Variants in ADNP observed in about 807,000 individuals in gnomAD.
The protein encoded by ADNP is activity-dependent neuroprotector homeobox protein.
In ADNP, 4 loss-of-function variants were observed where a neutral mutation model predicts 84.9. The ratio of observed to expected loss-of-function variants is 0.05; its 90% CI spans 0.02 to 0.11. The LOEUF (loss-of-function observed/expected upper bound fraction) is 0.11. ADNP is among the 10% of genes least tolerant of loss of function. The probability of loss-of-function intolerance (pLI) is 1.00; values close to 1 mark genes in which losing one functional copy is unlikely to be tolerated. For missense variants in ADNP, 1,132 were observed against 1,326.0 expected, an observed-to-expected ratio of 0.85 and a Z score of 2.27; for synonymous variants, 554 against 468.1, an observed-to-expected ratio of 1.18 and a Z score of -2.37.
In ADNP at chr20:50,891,140, C is replaced by T; in HGVS notation, c.*265G>A. On this transcript the variant is annotated 3_prime_UTR_variant, in exon 6 of 6. Transcript: ENST00000621696. ...TGTTGAAAAGGCAGATAAAATAAAC[C>T]TCTGCTTTTCCTCGTGTGTATTCAT... is the stretch of plus-strand genomic sequence containing the variant. 4.8e-6 allele frequency: 6 copies of T among 1,243,304 alleles called. No individual in the cohort carries two copies. Among genetic ancestry groups the T allele is most frequent in the Non-Finnish European group, 6.0e-6 (6 of 994,022 alleles). The allele number at this position is 1,243,304 out of a possible 1,614,324, so 77.0% of individuals were successfully genotyped here. A position where few individuals can be genotyped will look rare whatever the true frequency, so the allele number is the denominator to read the frequency against.
Position 50,894,299 on chromosome 20 carries a change from T to C in ADNP, c.415A>G (p.Ser139Gly). ...HAPNASAPSS[S>G]LSTFKDKNKN... The stretch of plus-strand genomic sequence containing the variant: ...TTTTTATCTTTGAAAGTGCTGAGGC[T>C]GCTACTTGGTGCGCTGGCGTTCGGA... The change falls in exon 6 of 6, where the codon AGC becomes GGC. Residue 139 changes from serine (S) to glycine (G), a missense_variant. Physicochemically the swap from Ser to Gly is moderately conservative, Grantham distance 56. This residue lies in a region of ADNP where 130 missense variants were observed against 183.7 expected (regional missense o/e 0.71). Transcript: ENST00000621696. The C allele has an allele frequency of 6.2e-7, 1 of 1,613,534 alleles. No homozygotes were observed. The highest frequency in any genetic ancestry group is 1.3e-5 in the African/African-American group (1 of 74,994).
intron 2 of ADNP, among the ~76,000 whole-genome samples, chr20:50,922,784 C>T (rs1413012302): frequency 1.3e-5 from 2 of 151,900 alleles, no homozygotes; most frequent in African/African-American, 4.8e-5. Context: ...GGTTTCACCA[C>T]GATGGCCAGG....
chr20:50,890,752 C>T lies in ADNP; in HGVS notation c.*653G>A, dbSNP rs187596094. The T allele has an allele frequency of 6.5e-5, 13 of 199,112 alleles. No individual in the cohort carries two copies. 12.3% of individuals were successfully genotyped at this position (199,112 alleles called of 1,614,324 possible). A position where few individuals can be genotyped will look rare whatever the true frequency, so the allele number is the denominator to read the frequency against. Reference sequence around the variant, plus strand: ...TATCTTACGTGGCTGGCCTCTGTTGCAAGATTGTACAAGGTTATGTGCAAA... The same window carrying T: ...TATCTTACGTGGCTGGCCTCTGTTGTAAGATTGTACAAGGTTATGTGCAAA... On this transcript the variant is annotated 3_prime_UTR_variant, in exon 6 of 6. Coordinates refer to ENST00000621696, the MANE Select transcript of ADNP (RefSeq NM_001282531.3).
chr20:50,905,581 G>A (rs1007246582), intron 2 of ADNP: 3 of 152,118 alleles, frequency 2.0e-5, no homozygotes, highest in African/African-American at 4.8e-5. Context: ...AACTGGGTAC[G>A]TTACTCTAAC....
chr20:50,899,509 C>T (rs950059454), intron 5 of ADNP, among the ~76,000 whole-genome samples: 5 of 151,992 alleles, frequency 3.3e-5, no homozygotes, highest in African/African-American at 9.7e-5. Context: ...AGCGCCCGGC[C>T]GGTAATGAGT....
chr20:50,930,800 T>C (rs1345732314), intron 1 of ADNP, 26 bp downstream of exon 1: 2 of 147,472 alleles, frequency 1.4e-5, no homozygotes, highest in Non-Finnish European at 3.0e-5. Context: ...GGGCCGCGGG[T>C]CCGCGCGCGG....
At chr20:50,907,692 C>T (rs539693557) in intron 2 of ADNP, among the ~76,000 whole-genome samples, 2 of 152,154 alleles carry the variant, frequency 1.3e-5, no homozygotes, top group South Asian at 4.1e-4. Context: ...AAGTGATCTT[C>T]CCACCTCAGC....
chr20:50,921,708 G>C (rs933903679), intron 2 of ADNP, among the ~76,000 whole-genome samples: 1 of 152,324 alleles, frequency 6.6e-6, no homozygotes, highest in Middle Eastern at 3.4e-3. Flanking sequence ...TATACAAACA[G>C]AGGGAAGATG....
chr20:50,927,560 C>CTTT (rs10716858), intron 2 of ADNP, among the ~76,000 whole-genome samples: 2 of 144,404 alleles, frequency 1.4e-5, no homozygotes, highest in African/African-American at 5.1e-5. Flanking sequence ...AATTGTTTCA[C>CTTT]TTTTTTTTTT....
In ADNP at chr20:50,894,068, G is replaced by C. The variant is rs1981126061; in HGVS notation, c.646C>G (p.Arg216Gly). The C allele has an allele frequency of 1.2e-6, 2 of 1,614,160 alleles. No homozygotes were observed. Among genetic ancestry groups the C allele is most frequent in the Non-Finnish European group, 1.7e-6 (2 of 1,180,032 alleles). The change falls in exon 6 of 6, where the codon CGA (arginine) becomes GGA (glycine). Residue 216 changes from arginine to glycine, a missense_variant. Around this residue, in one of 10 missense-constraint regions of ADNP, gnomAD observed 130 missense variants for 183.7 expected, o/e 0.71. Transcript: ENST00000621696. ...NGAVPLGSNAREESSIHCKRC... is the reference protein window; with the variant it reads ...NGAVPLGSNAGEESSIHCKRC... ...TTGCAGTGAATACTACTCTCTTCTC[G>C]GGCATTCGAGCCTAAGGGGACTGCC...
chr20:50,894,619 G>A (rs1981193843), intron 5 of ADNP, 107 bp from the exon 6 acceptor site: 15 of 1,255,516 alleles, frequency 1.2e-5, no homozygotes, highest in African/African-American at 1.5e-5. Flanking sequence ...TTTAGGCCGC[G>A]CGTGGTGGCT....
At chr20:50,919,085 T>A (rs1338853121) in intron 2 of ADNP, among the ~76,000 whole-genome samples, 3 of 151,270 alleles carry the variant, frequency 2.0e-5, no homozygotes, top group Non-Finnish European at 4.4e-5. Flanking sequence ...GTCTACAAAT[T>A]ATTATCATTA....
At chr20:50,919,466 T>TC (rs1413285554) in intron 2 of ADNP, among the ~76,000 whole-genome samples, 1 of 151,998 alleles carries the variant, frequency 6.6e-6, no homozygotes, top group Non-Finnish European at 1.5e-5. Context: ...TTGGTTTTTT[T>TC]CCCTGCTGTA....
At chr20:50,901,117 A>C (rs982857387) in intron 5 of ADNP, among the ~76,000 whole-genome samples, 5 of 152,154 alleles carry the variant, frequency 3.3e-5, no homozygotes, top group Non-Finnish European at 7.4e-5. Context: ...GTAAGAGATT[A>C]TCTTTTCTCC....
Position 50,890,945 on chromosome 20 carries a change from C to A in ADNP, c.*460G>T. ...ACTTGAATAGGTCTAAAAGACTGTA[C>A]AAATATACATTTCAACTATTCAGAA... On this transcript the variant is annotated 3_prime_UTR_variant, in exon 6 of 6. Coordinates refer to ENST00000621696, the MANE Select transcript of ADNP (RefSeq NM_001282531.3). 2 of 988,410 alleles carry A rather than the reference C, an allele frequency of 2.0e-6. No homozygotes were observed. The highest frequency in any genetic ancestry group is 2.4e-6 in the Non-Finnish European group (2 of 832,202). 61.2% of individuals were successfully genotyped at this position (988,410 alleles called of 1,614,324 possible).
chr20:50,903,836 TA>T, intron 4 of ADNP, 52 bp downstream of exon 4: 2 of 1,378,400 alleles, frequency 1.5e-6, no homozygotes, highest in African/African-American at 2.9e-5. Context: ...TGACACAAAG[TA>T]ATGGATCAGA....
At chr20:50,919,751 C>G (rs1983812027) in intron 2 of ADNP, among the ~76,000 whole-genome samples, 1 of 152,120 alleles carries the variant, frequency 6.6e-6, no homozygotes, top group Non-Finnish European at 1.5e-5. Flanking sequence ...GGCGCAGTTC[C>G]AGAGGCCGGA....
chr20:50,916,277 T>C (rs541907416), intron 2 of ADNP, among the ~76,000 whole-genome samples: 5 of 151,918 alleles, frequency 3.3e-5, no homozygotes, highest in Non-Finnish European at 7.4e-5. Flanking sequence ...CTCTGAAAGA[T>C]TGTTGCCTGA....
intron 5 of ADNP, among the ~76,000 whole-genome samples, chr20:50,894,875 C>A (rs150310726): frequency 2.0e-5 from 3 of 151,886 alleles, no homozygotes; most frequent in African/African-American, 7.3e-5. Context: ...CCAGCCTGGG[C>A]GACAAGAGCG....
Sources: allele counts gnomAD v4.1 joint callset (sites outside exome capture counted in the v4.1 genomes callset), GRCh38; gene constraint gnomAD v4.1.1; regional missense constraint gnomAD v4.1.1; transcripts MANE v1.5; gene names NCBI Gene and HGNC (gene_info 2026-07-23, HGNC 2026-07-21).